The following CLYBL variants were observed in gnomAD, a reference collection of about 807,000 sequenced individuals.
CLYBL encodes citramalyl-CoA lyase.
CLYBL carries 31 observed loss-of-function variants against 38.9 expected under a neutral mutation model. The observed-to-expected ratio is 0.80, with a 90% confidence interval of 0.60 to 1.08. The LOEUF (loss-of-function observed/expected upper bound fraction) is 1.08, where lower values mean the gene tolerates loss of function less well. Among genes scored for constraint, CLYBL ranks in the 50% least tolerant of loss-of-function variants. The pLI is 0.00. For missense variants in CLYBL, 434 were observed against 411.6 expected (o/e 1.05, Z -0.47); for synonymous variants, 171 against 158.6 (o/e 1.08, Z -0.59).
intron 2 of CLYBL, among the ~76,000 whole-genome samples, chr13:99,819,454 AT>A (rs1566340235): frequency 0.054 from 3,709 of 69,076 alleles, 233 homozygotes; most frequent in African/African-American, 0.061. Flanking sequence ...ATATATATAT[AT>A]ATATATATAT....
chr13:99,878,038 C>T (rs527465868), intron 7 of CLYBL, among the ~76,000 whole-genome samples: 16 of 152,216 alleles, frequency 1.1e-4, no homozygotes, highest in South Asian at 4.2e-4. Flanking sequence ...TACCGTAGCA[C>T]GCACCTCCCT....
intron 1 of CLYBL, among the ~76,000 whole-genome samples, chr13:99,692,644 A>G (rs2139434559): frequency 6.6e-6 from 1 of 152,236 alleles, no homozygotes; most frequent in African/African-American, 2.4e-5. Flanking sequence ...GTCTCTTCAC[A>G]AAGTTGTGTA....
chr13:99,711,554 GCACCAC>G (rs1029160029), intron 1 of CLYBL, among the ~76,000 whole-genome samples: 9 of 148,356 alleles, frequency 6.1e-5, no homozygotes, highest in African/African-American at 2.0e-4. Context: ...TTACAGGCAT[GCACCAC>G]CACGCCCGGC....
intron 1 of CLYBL, among the ~76,000 whole-genome samples, chr13:99,645,907 AG>A (rs2047169703): frequency 6.6e-6 from 1 of 152,136 alleles, no homozygotes; most frequent in African/African-American, 2.4e-5. Context: ...TTTCTGATCC[AG>A]GGAGAGGGCT....
At chr13:99,755,031 G>A (rs1253111424) in intron 1 of CLYBL, among the ~76,000 whole-genome samples, 1 of 151,730 alleles carries the variant, frequency 6.6e-6, no homozygotes, top group Admixed American at 6.6e-5. Flanking sequence ...CCGGGTAGCT[G>A]GGACTACAGG....
At chr13:99,676,186 G>GTCCGTCCCTTCCTTCCTTCCTTCCTTCCT (rs1459044000) in intron 1 of CLYBL, among the ~76,000 whole-genome samples, 5 of 132,994 alleles carry the variant, frequency 3.8e-5, no homozygotes, top group Non-Finnish European at 4.8e-5. Context: ...CCCTCCGTCC[G>GTCCGTCCCTTCCTTCCTTCCTTCCTTCCT]TCCTTCCTTC....
At chr13:99,755,616 C>T (rs896559499) in intron 1 of CLYBL, among the ~76,000 whole-genome samples, 1 of 152,204 alleles carries the variant, frequency 6.6e-6, no homozygotes, top group African/African-American at 2.4e-5. Flanking sequence ...CTTCCATCCT[C>T]AGGGAATGGA....
chr13:99,622,383 C>T (rs2046811302), intron 1 of CLYBL, among the ~76,000 whole-genome samples: 1 of 152,210 alleles, frequency 6.6e-6, no homozygotes, highest in Non-Finnish European at 1.5e-5. Context: ...GCTGAGTTCC[C>T]TCATTGCCTC....
intron 1 of CLYBL, among the ~76,000 whole-genome samples, chr13:99,618,466 C>T (rs984698472): frequency 2.6e-5 from 4 of 152,082 alleles, no homozygotes; most frequent in Admixed American, 2.6e-4. Flanking sequence ...GACGGGGTTT[C>T]ACCATGTTGG....
At chr13:99,905,330 A>G (rs1458044702) in exon 9 of CLYBL, among the ~76,000 whole-genome samples, 2 of 152,224 alleles carry the variant, frequency 1.3e-5, no homozygotes, top group Non-Finnish European at 2.9e-5. Context: ...AAGTTCATAC[A>G]TGGCGACCTG....
intron 1 of CLYBL, among the ~76,000 whole-genome samples, chr13:99,643,567 G>A (rs1399479624): frequency 6.6e-6 from 1 of 152,202 alleles, no homozygotes; most frequent in African/African-American, 2.4e-5. Flanking sequence ...AGTGGAGGAA[G>A]TTGTGAGACT....
At chr13:99,896,004 G>A (rs1052908434), downstream of CLYBL, 4 of 151,726 alleles carry the variant, frequency 2.6e-5, no homozygotes, top group African/African-American at 9.7e-5. Context: ...GGCCCCGCGG[G>A]CAGGAGGAGC....
intron 1 of CLYBL, among the ~76,000 whole-genome samples, chr13:99,684,848 G>A (rs1398824009): frequency 6.6e-6 from 1 of 152,190 alleles, no homozygotes; most frequent in Non-Finnish European, 1.5e-5. Context: ...TGTATTGTAT[G>A]TTCCTGTTCA....
chr13:99,743,966 C>CTTTTTTTTTTTTTTTTTTTTTTTT (rs1162079530), intron 1 of CLYBL, among the ~76,000 whole-genome samples: 3 of 69,178 alleles, frequency 4.3e-5, no homozygotes, highest in East Asian at 3.8e-4. Flanking sequence ...TCTCTTCTTT[C>CTTTTTTTTTTTTTTTTTTTTTTTT]TTTTTTTTTT....
At chr13:99,723,669 G>A (rs1388529612) in intron 1 of CLYBL, among the ~76,000 whole-genome samples, 1 of 152,182 alleles carries the variant, frequency 6.6e-6, no homozygotes, top group African/African-American at 2.4e-5. Context: ...GGGCACACGG[G>A]CATCTTCAGT....
chr13:99,695,548 C>T (rs1474148831), intron 1 of CLYBL, among the ~76,000 whole-genome samples: 2 of 151,984 alleles, frequency 1.3e-5, no homozygotes, highest in African/African-American at 4.8e-5. Flanking sequence ...GAGACGGAGT[C>T]TCCCTCTGTC....
At chr13:99,763,752 A>G in intron 1 of CLYBL, among the ~76,000 whole-genome samples, 2 of 151,992 alleles carry the variant, frequency 1.3e-5, no homozygotes, top group South Asian at 4.2e-4. Flanking sequence ...ACGGAGTTTC[A>G]TCATGTTGGC....
rs2052476753 is a variant in CLYBL at position 99,891,091 on chromosome 13, G to C, written c.928-227G>C. Among the ~76,000 whole-genome samples, 3 of 151,828 alleles carry C rather than the reference G, an allele frequency of 2.0e-5. No homozygotes were observed. The South Asian group carries it at 6.2e-4, about 32-fold the overall frequency. On this transcript the variant is annotated intron_variant, in intron 7 of 8. Coordinates refer to ENST00000339105, the MANE Select transcript of CLYBL (RefSeq NM_206808.5). ...CAGTTTGCTGTCTTGTGTCCAATGT[G>C]TTTCTCCTCTCCATTAAAATGCTGA...
chr13:99,645,257 G>A (rs1020176313), intron 1 of CLYBL, among the ~76,000 whole-genome samples: 2 of 152,184 alleles, frequency 1.3e-5, no homozygotes, highest in African/African-American at 4.8e-5. Flanking sequence ...AGCACTTTGG[G>A]AGGCTGATGC....
Sources: allele counts gnomAD v4.1 joint callset (sites outside exome capture counted in the v4.1 genomes callset), GRCh38; gene constraint gnomAD v4.1.1; transcripts MANE v1.5; gene names NCBI Gene and HGNC (gene_info 2026-07-23, HGNC 2026-07-21).